The following CASD1 variants were observed in gnomAD, a reference collection of about 807,000 sequenced individuals.
CASD1 encodes CAS1 domain sialic acid O acetyltransferase 1.
Under a neutral mutation model 100.0 loss-of-function variants are expected in CASD1, and 41 were observed. The observed-to-expected ratio is 0.41, with a 90% CI of 0.32 to 0.53. The LOEUF is 0.53. Among genes scored for constraint, CASD1 ranks in the 20% least tolerant of loss-of-function variants. The probability of loss-of-function intolerance (pLI) is 0.25; values close to 1 mark genes in which losing one functional copy is unlikely to be tolerated. For missense variants in CASD1, 774 were observed against 948.7 expected (o/e 0.82, Z 2.42); for synonymous variants, 321 against 315.6 (o/e 1.02, Z -0.18).
At position 94,555,763 on chromosome 7, in the gene CASD1, CAA is replaced by C. The variant is rs1322997072; in HGVS notation, c.*9_*10del. 1.2e-6 allele frequency: 2 copies of C among 1,606,336 alleles called. No individual in the cohort carries two copies. The highest frequency in any genetic ancestry group is 1.7e-5 in the Admixed American group (1 of 58,798). ...CAAGATAAATCAAAACATTAGGTTC[CAA>C]AAATTCTAAAAAACCTAAACTCTTC... On this transcript the variant is annotated 3_prime_UTR_variant, in exon 18 of 18. Transcript: ENST00000297273.
intron 3 of CASD1, among the ~76,000 whole-genome samples, chr7:94,525,139 A>C (rs761891248): frequency 6.6e-6 from 1 of 152,172 alleles, no homozygotes; most frequent in Non-Finnish European, 1.5e-5. Flanking sequence ...GTATGTGTAG[A>C]GAGGGAGAAA....
At chr7:94,524,928 T>C (rs564707410) in intron 3 of CASD1, among the ~76,000 whole-genome samples, 1 of 152,292 alleles carries the variant, frequency 6.6e-6, no homozygotes, top group East Asian at 1.9e-4. Flanking sequence ...AAGGATATTC[T>C]TGAGAAATTG....
chr7:94,619,807 G>T, the CASD1 span: 1 of 152,150 alleles, frequency 6.6e-6, no homozygotes, highest in Admixed American at 6.6e-5. Context: ...ACTTTCATAC[G>T]TGAAAGCTTA....
Position 94,527,153 on chromosome 7 carries a change from T to G in CASD1, c.352-9T>G. On this transcript the variant is annotated splice_polypyrimidine_tract_variant and intron_variant, in intron 3 of 17. Transcript: ENST00000297273. ...TACATTAATATTTCTCTGTCTCCTTTTATGGCAGCATGAAAACATTCCTTT... is the reference window on the plus strand; with the variant it reads ...TACATTAATATTTCTCTGTCTCCTTGTATGGCAGCATGAAAACATTCCTTT... The G allele has an allele frequency of 6.2e-7, 1 of 1,604,982 alleles. No homozygotes were observed. The highest frequency in any genetic ancestry group is 1.1e-5 in the South Asian group (1 of 90,528).
chr7:94,588,452 C>CAGG, the CASD1 span: 2 of 1,328,906 alleles, frequency 1.5e-6, no homozygotes. Context: ...CTTAATTAGA[C>CAGG]AGGACCTCCA....
At chr7:94,520,611 G>A (rs1463121898) in intron 3 of CASD1, among the ~76,000 whole-genome samples, 2 of 150,910 alleles carry the variant, frequency 1.3e-5, no homozygotes, top group African/African-American at 2.5e-5. Context: ...GGGCAGGTTA[G>A]ATACTCTGGG....
chr7:94,567,753 G>A, the CASD1 span, among the ~76,000 whole-genome samples: 1 of 151,982 alleles, frequency 6.6e-6, no homozygotes, highest in Non-Finnish European at 1.5e-5. Context: ...AATTTAGATG[G>A]TTCAAAAATA....
intron 3 of CASD1, among the ~76,000 whole-genome samples, chr7:94,525,219 T>C (rs972807687): frequency 2.0e-5 from 3 of 152,182 alleles, no homozygotes; most frequent in African/African-American, 7.2e-5. Context: ...TCTGTCAGCT[T>C]TGCTATAAGA....
At chr7:94,547,358 C>T (rs1795729745) in intron 13 of CASD1, among the ~76,000 whole-genome samples, 183 bp downstream of exon 13, 1 of 151,808 alleles carries the variant, frequency 6.6e-6, no homozygotes, top group Non-Finnish European at 1.5e-5. Context: ...TTTGTTACCA[C>T]TGTTTTTGTT....
At chr7:94,599,490 C>G in the CASD1 span, 9 of 547,582 alleles carry the variant, frequency 1.6e-5, no homozygotes, top group East Asian at 2.6e-4. Context: ...TAATTTTTAT[C>G]TGTGTAATCT....
chr7:94,609,475 T>A, the CASD1 span, among the ~76,000 whole-genome samples: 1 of 152,226 alleles, frequency 6.6e-6, no homozygotes, highest in Admixed American at 6.5e-5. Context: ...GAGGCTGCAG[T>A]GAGCCAAGAT....
chr7:94,543,502 A>G (rs895348219), intron 10 of CASD1, among the ~76,000 whole-genome samples: 1 of 152,094 alleles, frequency 6.6e-6, no homozygotes, highest in Non-Finnish European at 1.5e-5. Context: ...AAAAATACAA[A>G]AAGTTAGCTG....
downstream of CASD1, among the ~76,000 whole-genome samples, chr7:94,561,132 A>G (rs1275735053): frequency 6.6e-6 from 1 of 152,142 alleles, no homozygotes; most frequent in Non-Finnish European, 1.5e-5. Flanking sequence ...CTGTAATTCC[A>G]GCTACTTGGG....
chr7:94,528,146 GTTTCTTCAACTTTTTCTTTAC>G, intron 4 of CASD1, 21 bp from the exon 5 acceptor site: 1 of 1,348,246 alleles, frequency 7.4e-7, no homozygotes, highest in Non-Finnish European at 1.0e-6. Flanking sequence ...GGAATTAAGA[GTTTCTTCAACTTTTTCTTTAC>G]TTCTAACATT....
intron 3 of CASD1, among the ~76,000 whole-genome samples, chr7:94,526,729 G>A (rs1481857928): frequency 6.6e-6 from 1 of 152,210 alleles, no homozygotes; most frequent in East Asian, 1.9e-4. Context: ...GGAGGCGGAG[G>A]TTGCAATGAA....
intron 3 of CASD1, among the ~76,000 whole-genome samples, chr7:94,520,990 G>T (rs1794237164): frequency 6.6e-6 from 1 of 152,138 alleles, no homozygotes; most frequent in Non-Finnish European, 1.5e-5. Context: ...TACTCGGGAG[G>T]CTGAGTCAGG....
At chr7:94,562,435 T>C in the CASD1 span, among the ~76,000 whole-genome samples, 1 of 152,140 alleles carries the variant, frequency 6.6e-6, no homozygotes, top group Non-Finnish European at 1.5e-5. Flanking sequence ...AGTAGTAATA[T>C]TTTTGCCTCA....
At chr7:94,600,932 T>A in the CASD1 span, 1 of 1,200,830 alleles carries the variant, frequency 8.3e-7, no homozygotes, top group Non-Finnish European at 1.2e-6. Flanking sequence ...CTGGATACAC[T>A]AAAGCATTCT....
chr7:94,510,651 G>A (rs975199481), intron 1 of CASD1, among the ~76,000 whole-genome samples: 46 of 152,250 alleles, frequency 3.0e-4, no homozygotes, highest in African/African-American at 1.1e-3. Flanking sequence ...CCAGCAGTGG[G>A]GTCGCAGGTC....
Sources: gnomAD v4.1 joint callset for allele counts (sites outside exome capture counted in the v4.1 genomes callset) on GRCh38, gnomAD v4.1.1 for gene constraint, MANE v1.5 for transcripts, NCBI Gene and HGNC (gene_info 2026-07-23, HGNC 2026-07-21) for gene names.